The following CSMD3 variants were observed in gnomAD, a reference collection of about 807,000 sequenced individuals.
CSMD3 encodes CUB and Sushi multiple domains 3, also known as CUB and sushi domain-containing protein 3.
Under a neutral mutation model 435.2 loss-of-function variants are expected in CSMD3, and 177 were observed. The observed-to-expected ratio is 0.41, with a 90% CI of 0.36 to 0.46. CSMD3 has a LOEUF of 0.46. Ranked by LOEUF, CSMD3 falls within the 20% of genes least tolerant of loss-of-function variation. The pLI is 0.34. For synonymous variants in CSMD3, 1,656 were observed against 1,520.5 expected (o/e 1.09, Z -2.07); for missense variants, 4,265 against 4,504.6 (o/e 0.95, Z 1.52).
intron 10 of CSMD3, among the ~76,000 whole-genome samples, chr8:112,919,560 T>C (rs1033489069): frequency 8.6e-5 from 13 of 151,976 alleles, no homozygotes; most frequent in Middle Eastern, 3.4e-3. Flanking sequence ...ATTAATCTCC[T>C]TTTCTCTGTC....
At chr8:112,431,577 G>A (rs1444655404) in intron 32 of CSMD3, among the ~76,000 whole-genome samples, 1 of 152,010 alleles carries the variant, frequency 6.6e-6, no homozygotes, top group East Asian at 1.9e-4. Flanking sequence ...TAGAGAGGTC[G>A]AGCTTGAACA....
intron 40 of CSMD3, among the ~76,000 whole-genome samples, chr8:112,349,960 A>G (rs2131046061): frequency 6.6e-6 from 1 of 152,234 alleles, no homozygotes; most frequent in East Asian, 1.9e-4. Flanking sequence ...ACTTAAGGTT[A>G]AATGAGGTCA....
intron 28 of CSMD3, among the ~76,000 whole-genome samples, chr8:112,509,092 T>C (rs1822830820): frequency 6.6e-6 from 1 of 151,724 alleles, no homozygotes; most frequent in Admixed American, 6.6e-5. Flanking sequence ...ATGTCTTTTT[T>C]TTTTTTTTTT....
chr8:113,207,184 C>A (rs1245967702), intron 3 of CSMD3, among the ~76,000 whole-genome samples: 1 of 152,088 alleles, frequency 6.6e-6, no homozygotes, highest in African/African-American at 2.4e-5. Flanking sequence ...TGAAAACTTT[C>A]ATCTGGATGT....
At chr8:112,387,918 AC>A (rs1300626430) in intron 36 of CSMD3, among the ~76,000 whole-genome samples, 1 of 152,228 alleles carries the variant, frequency 6.6e-6, no homozygotes, top group Admixed American at 6.5e-5. Context: ...TGCAGCATGT[AC>A]TTCCACTGTA....
At chr8:113,106,056 C>T (rs142210169) in intron 4 of CSMD3, among the ~76,000 whole-genome samples, 1 of 151,808 alleles carries the variant, frequency 6.6e-6, no homozygotes, top group African/African-American at 2.4e-5. Context: ...CACTATACCC[C>T]AGACTAAATC....
intron 38 of CSMD3, among the ~76,000 whole-genome samples, chr8:112,375,865 C>T (rs899548895): frequency 1.1e-4 from 16 of 152,118 alleles, no homozygotes; most frequent in African/African-American, 3.1e-4. Flanking sequence ...TTTCTCATTA[C>T]GACATCCTAT....
At chr8:113,022,975 T>C (rs1331453899) in intron 5 of CSMD3, among the ~76,000 whole-genome samples, 4 of 152,064 alleles carry the variant, frequency 2.6e-5, no homozygotes, top group Admixed American at 6.6e-5. Context: ...ATTAATCCTT[T>C]AGAGAATGTA....
intron 8 of CSMD3, among the ~76,000 whole-genome samples, chr8:112,952,170 G>A (rs931148178): frequency 4.6e-5 from 7 of 150,840 alleles, no homozygotes; most frequent in Admixed American, 4.0e-4. Context: ...AAAAAAATCT[G>A]AATGAGCCTT....
intron 28 of CSMD3, 98 bp from the exon 29 acceptor site, chr8:112,506,927 G>T (rs1023025143): frequency 9.5e-7 from 1 of 1,048,280 alleles, no homozygotes; most frequent in African/African-American, 1.6e-5. Context: ...AGCTTATGAG[G>T]CTTTGTACAG....
intron 5 of CSMD3, among the ~76,000 whole-genome samples, chr8:113,034,856 T>C (rs900708375): frequency 1.3e-5 from 2 of 152,070 alleles, no homozygotes; most frequent in East Asian, 1.9e-4. Flanking sequence ...TACATAATTA[T>C]AGAAAATAAA....
At chr8:112,366,392 G>A (rs1827781564) in intron 38 of CSMD3, among the ~76,000 whole-genome samples, 1 of 152,012 alleles carries the variant, frequency 6.6e-6, no homozygotes, top group Admixed American at 6.6e-5. Flanking sequence ...AGGCATTCAT[G>A]GTTTTTTGTT....
intron 3 of CSMD3, among the ~76,000 whole-genome samples, chr8:113,236,998 G>A (rs1404614586): frequency 6.6e-6 from 1 of 152,096 alleles, no homozygotes; most frequent in African/African-American, 2.4e-5. Context: ...GGTTAATAGA[G>A]AGTATAATAA....
intron 6 of CSMD3, among the ~76,000 whole-genome samples, chr8:113,007,700 T>C (rs1165667756): frequency 1.3e-5 from 2 of 151,942 alleles, no homozygotes; most frequent in Non-Finnish European, 2.9e-5. Flanking sequence ...CTGTTGAGGG[T>C]GTTTTTCTTC....
At chr8:113,374,788 C>A (rs2094368165) in intron 1 of CSMD3, among the ~76,000 whole-genome samples, 1 of 131,994 alleles carries the variant, frequency 7.6e-6, no homozygotes, top group African/African-American at 3.0e-5. Context: ...TCTTTGTGTA[C>A]ACTGCCATAT....
chr8:112,529,841 C>G (rs983095466), intron 27 of CSMD3, among the ~76,000 whole-genome samples: 10 of 151,902 alleles, frequency 6.6e-5, no homozygotes, highest in African/African-American at 2.4e-4. Context: ...AGACAGCAGC[C>G]TTAATAAAAT....
chr8:112,382,291 C>CAAAAAAAAAAAAAAAA (rs11384093), intron 37 of CSMD3, among the ~76,000 whole-genome samples: 4 of 116,772 alleles, frequency 3.4e-5, no homozygotes, highest in Non-Finnish European at 6.9e-5. Context: ...CTCTAAAATG[C>CAAAAAAAAAAAAAAAA]AAAAAAAAAA....
Position 112,963,049 on chromosome 8 carries a change from C to T in CSMD3, c.1343-8288G>A, listed in dbSNP as rs148128194. On this transcript the variant is annotated intron_variant, in intron 7 of 70. Coordinates refer to ENST00000297405, the MANE Select transcript of CSMD3 (RefSeq NM_198123.2). ...CTCTATCAACAGACTCCCTTAACCT[C>T]TGGGGGATTCCAGCAGGCGGATGAA... 3.3e-3 allele frequency among the ~76,000 whole-genome samples: 507 copies of T among 152,092 alleles called. 3 individuals carry two copies. Among genetic ancestry groups the T allele is most frequent in the African/African-American group, 0.011 (437 of 41,534 alleles).
intron 32 of CSMD3, among the ~76,000 whole-genome samples, chr8:112,412,805 A>G (rs911940179): frequency 3.9e-5 from 6 of 152,148 alleles, no homozygotes; most frequent in African/African-American, 1.2e-4. Flanking sequence ...TGCTAGGGTT[A>G]AGAAAGTGAC....
Sources: gnomAD v4.1 joint callset for allele counts (sites outside exome capture counted in the v4.1 genomes callset) on GRCh38, gnomAD v4.1.1 for gene constraint, MANE v1.5 for transcripts, NCBI Gene and HGNC (gene_info 2026-07-23, HGNC 2026-07-21) for gene names.